The following RUNX3 variants were observed in gnomAD, a reference collection of about 807,000 sequenced individuals.
The protein encoded by RUNX3 is RUNX family transcription factor 3.
Under a neutral mutation model 27.7 loss-of-function variants are expected in RUNX3, and 10 were observed. The ratio of observed to expected loss-of-function variants is 0.36; its 90% CI spans 0.22 to 0.61. RUNX3 has a LOEUF of 0.61. RUNX3 is among the 20% of genes least tolerant of loss of function. The pLI is 0.72. For synonymous variants in RUNX3, 270 were observed against 269.2 expected (o/e 1.00, Z -0.03); for missense variants, 469 against 629.5 (o/e 0.75, Z 2.73).
chr1:24,931,838 G>A (rs1354187779), upstream of RUNX3, among the ~76,000 whole-genome samples: 1 of 152,220 alleles, frequency 6.6e-6, no homozygotes, highest in East Asian at 1.9e-4. Context: ...TCGAAAGGAA[G>A]GACGGCAAAG....
rs1274096844 is a variant in RUNX3 at position 24,929,994 on chromosome 1, G to A, written c.-126C>T. The A allele has an allele frequency of 8.6e-7, 1 of 1,161,844 alleles. No homozygotes were observed. The highest frequency in any genetic ancestry group is 1.6e-5 in the African/African-American group (1 of 61,250). The allele number at this position is 1,161,844 out of a possible 1,614,324, so 72.0% of individuals were successfully genotyped here. ...GGAAAGCAGAAGCGGCGGGGCCCGGGCCTCAGGGCGCAGGGGGCGGCGCCC... is the reference window on the plus strand; with the variant it reads ...GGAAAGCAGAAGCGGCGGGGCCCGGACCTCAGGGCGCAGGGGGCGGCGCCC... On this transcript the variant is annotated 5_prime_UTR_variant, in exon 1 of 5. Transcript: ENST00000308873.
At position 24,904,494 on chromosome 1, in the gene RUNX3, G is replaced by A. The variant is rs1166010765; in HGVS notation, c.704-1828C>T. On this transcript the variant is annotated intron_variant, in intron 4 of 4. Transcript: ENST00000308873. This position sits in a 1 kb window ranked among gnomAD's most constrained non-coding sequence, Gnocchi z 5.7. Reference sequence around the variant, plus strand: ...GGCTGTCCCGGCCCCTTGAGGCCGAGAGCCTCCGAGGCACCTGGCTGCCAG... The same window carrying A: ...GGCTGTCCCGGCCCCTTGAGGCCGAAAGCCTCCGAGGCACCTGGCTGCCAG... Among the ~76,000 whole-genome samples, 2 of 152,210 alleles carry A rather than the reference G, an allele frequency of 1.3e-5. No individual in the cohort carries two copies. Among genetic ancestry groups the A allele is most frequent in the Non-Finnish European group, 2.9e-5 (2 of 68,022 alleles).
chr1:24,912,576 CAT>C (rs2124266261), intron 3 of RUNX3, among the ~76,000 whole-genome samples: 1 of 152,180 alleles, frequency 6.6e-6, no homozygotes, highest in South Asian at 2.1e-4. Flanking sequence ...GAGTGGAAAT[CAT>C]CAAAACGGCA....
rs367553038 is a variant in RUNX3, at chr1:24,902,049, C to G, written c.*73G>C. 7.2e-7 allele frequency: 1 copy of G among 1,381,046 alleles called. No homozygotes were observed. The highest frequency in any genetic ancestry group is 1.5e-5 in the African/African-American group (1 of 68,940). The allele number at this position is 1,381,046 out of a possible 1,614,324, so 85.5% of individuals were successfully genotyped here. ...CAGGTCCCATTCCCGCCCGGAGCCT[C>G]GGAGCCGGCCCATCACTGGTCTTGA... On this transcript the variant is annotated 3_prime_UTR_variant, in exon 5 of 5. Coordinates refer to ENST00000308873, the MANE Select transcript of RUNX3 (RefSeq NM_004350.3). The surrounding 1 kb of genome is among the most constrained non-coding windows in gnomAD (Gnocchi z 9.2).
chr1:24,948,819 C>G (rs1294928647), intron 2 of RUNX3, among the ~76,000 whole-genome samples: 1 of 152,014 alleles, frequency 6.6e-6, no homozygotes, highest in Non-Finnish European at 1.5e-5. Flanking sequence ...CAAATGCTGT[C>G]AGGGCCTCTG....
At chr1:24,948,579 T>C (rs1641673167) in intron 2 of RUNX3, among the ~76,000 whole-genome samples, 1 of 147,270 alleles carries the variant, frequency 6.8e-6, no homozygotes, top group Admixed American at 6.7e-5. Flanking sequence ...GGGAGGGCCA[T>C]GTACAGGGCA....
chr1:24,946,532 G>A (rs79598985), intron 2 of RUNX3, among the ~76,000 whole-genome samples: 7,727 of 152,168 alleles, frequency 0.051, 217 homozygotes, highest in South Asian at 0.08. Flanking sequence ...ACAAGTGGCT[G>A]CTAGACAAGC....
At chr1:24,913,849 C>G (rs1464012420) in intron 3 of RUNX3, among the ~76,000 whole-genome samples, 2 of 152,156 alleles carry the variant, frequency 1.3e-5, no homozygotes, top group Admixed American at 1.3e-4. Flanking sequence ...GGGTTACCCC[C>G]TTGCCTCCAT....
Position 24,901,475 on chromosome 1 carries a change from CAGTT to C in RUNX3, c.*643_*646del, listed in dbSNP as rs1252561667. 1.3e-5 allele frequency: 2 copies of C among 152,816 alleles called. No individual in the cohort carries two copies. The highest frequency in any genetic ancestry group is 2.4e-5 in the African/African-American group (1 of 41,370). The allele number at this position is 152,816 out of a possible 1,614,324, so 9.5% of individuals were successfully genotyped here. On this transcript the variant is annotated 3_prime_UTR_variant, in exon 5 of 5. Coordinates refer to ENST00000308873, the MANE Select transcript of RUNX3 (RefSeq NM_004350.3). ...ACCCGTGCGGCTGGGGGAAAGCCAA[CAGTT>C]AGGAACGGAGGGGAAGCTGGGCTGG...
chr1:24,903,912 G>T (rs2124241542), intron 4 of RUNX3, among the ~76,000 whole-genome samples: 1 of 152,318 alleles, frequency 6.6e-6, no homozygotes, highest in African/African-American at 2.4e-5. Context: ...AGTTCATCAG[G>T]ATTCAGTTAA....
chr1:24,953,012 T>C (rs1641806296), intron 2 of RUNX3, among the ~76,000 whole-genome samples: 1 of 152,202 alleles, frequency 6.6e-6, no homozygotes, highest in Non-Finnish European at 1.5e-5. Context: ...TATCTTTCTT[T>C]TGATTACTAA....
At chr1:24,931,114 T>C (rs987784819), upstream of RUNX3, among the ~76,000 whole-genome samples, 6 of 152,254 alleles carry the variant, frequency 3.9e-5, no homozygotes, top group African/African-American at 7.2e-5. Flanking sequence ...ACCACGGTCC[T>C]GCATCGTGAA....
chr1:24,917,431 C>T (rs577674094), intron 3 of RUNX3, among the ~76,000 whole-genome samples: 21 of 152,248 alleles, frequency 1.4e-4, no homozygotes, highest in South Asian at 1.0e-3. Flanking sequence ...GACGACAAAA[C>T]GCTGCGGACC....
In RUNX3 at chr1:24,927,642, G is replaced by A. The variant is rs968910964; in HGVS notation, c.371C>T (p.Ala124Val). ...CACCTGGTTCTTCATGACGGCCGAG[G>A]CATTGCGCAGCTCAGCGGAGTAGTT... ...DENYSAELRN[A>V]SAVMKNQVAR... is the part of the protein sequence containing the mutation. The change falls in exon 2 of 5, where the codon GCC becomes GTC. Residue 124 changes from alanine (A) to valine (V), a missense_variant. This residue lies in a region of RUNX3 where 75 missense variants were observed against 168.5 expected (regional missense o/e 0.45). Coordinates refer to ENST00000308873, the MANE Select transcript of RUNX3 (RefSeq NM_004350.3). The surrounding 1 kb of genome is among the most constrained non-coding windows in gnomAD (Gnocchi z 5.0). 6.2e-7 allele frequency: 1 copy of A among 1,614,020 alleles called. No homozygotes were observed. The highest frequency in any genetic ancestry group is 8.5e-7 in the Non-Finnish European group (1 of 1,180,028).
At chr1:24,905,847 G>A (rs747988205) in intron 4 of RUNX3, among the ~76,000 whole-genome samples, 4 of 152,258 alleles carry the variant, frequency 2.6e-5, no homozygotes, top group Non-Finnish European at 5.9e-5. Flanking sequence ...AGGCAGCTAC[G>A]CGGCAGGGGT....
intron 2 of RUNX3, among the ~76,000 whole-genome samples, chr1:24,946,914 A>G (rs1203134344): frequency 1.3e-5 from 2 of 152,042 alleles, no homozygotes; most frequent in African/African-American, 4.8e-5. Flanking sequence ...GAAAATACCC[A>G]TTTACTCAGC....
intron 3 of RUNX3, among the ~76,000 whole-genome samples, chr1:24,914,924 G>C (rs1210994380): frequency 6.6e-6 from 1 of 152,142 alleles, no homozygotes; most frequent in African/African-American, 2.4e-5. Context: ...CCCATCCCTT[G>C]TTCCATCCCT....
intron 3 of RUNX3, among the ~76,000 whole-genome samples, chr1:24,912,841 G>A (rs564460098): frequency 3.3e-5 from 5 of 151,746 alleles, no homozygotes; most frequent in East Asian, 3.9e-4. Flanking sequence ...GCCTGGGTTC[G>A]ATACATCAAT....
upstream of RUNX3, among the ~76,000 whole-genome samples, chr1:24,933,601 G>A (rs891947730): frequency 6.6e-6 from 1 of 152,168 alleles, no homozygotes; most frequent in Non-Finnish European, 1.5e-5. Context: ...GACTGGCTGT[G>A]ACCTACCTCC....
Sources: allele counts gnomAD v4.1 joint callset (sites outside exome capture counted in the v4.1 genomes callset), GRCh38; gene constraint gnomAD v4.1.1; regional missense constraint gnomAD v4.1.1; non-coding constraint Gnocchi (gnomAD v3.1); transcripts MANE v1.5; gene names NCBI Gene and HGNC (gene_info 2026-07-23, HGNC 2026-07-21).